POC1B: variants seen among roughly 807,000 people sequenced by gnomAD.
POC1B encodes POC1 centriolar protein B.
In POC1B, 44 loss-of-function variants were observed where a neutral mutation model predicts 60.6. The observed-to-expected ratio is 0.73, with a 90% CI of 0.57 to 0.93. POC1B has a LOEUF of 0.93. Ranked by LOEUF, POC1B falls within the 40% of genes least tolerant of loss-of-function variation. POC1B has a pLI of 0.00. For missense variants in POC1B, 555 were observed against 572.3 expected (o/e 0.97, Z 0.31); for synonymous variants, 180 against 198.9 (o/e 0.90, Z 0.80).
intron 2 of POC1B, chr12:89,499,954 G>A (rs1459181053): frequency 8.1e-6 from 5 of 619,078 alleles, no homozygotes; most frequent in East Asian, 5.6e-5. Context: ...CTCTTGCGGC[G>A]GCCATCGCCT....
intron 2 of POC1B, chr12:89,522,025 C>A (rs1211285868): frequency 2.5e-6 from 1 of 398,834 alleles, no homozygotes; most frequent in African/African-American, 2.1e-5. Context: ...ACATTCATAA[C>A]TTAAGGAAGT....
intron 1 of POC1B, 151 bp from the exon 2 acceptor site, chr12:89,525,355 C>T: frequency 7.0e-7 from 1 of 1,429,634 alleles, no homozygotes; most frequent in Non-Finnish European, 9.1e-7. Context: ...AGCAGCCCAC[C>T]CACGGGCGCG....
chr12:89,491,110 G>C (rs1424191656), intron 4 of POC1B, among the ~76,000 whole-genome samples: 1 of 152,064 alleles, frequency 6.6e-6, no homozygotes, highest in Non-Finnish European at 1.5e-5. Flanking sequence ...CCTCCCTGGG[G>C]CCCCTCCTAC....
At chr12:89,424,725 G>A (rs1466001641) in intron 11 of POC1B, among the ~76,000 whole-genome samples, 3 of 152,272 alleles carry the variant, frequency 2.0e-5, no homozygotes, top group Admixed American at 6.5e-5. Context: ...CCTCAAAAAA[G>A]TGGATAATAT....
intron 10 of POC1B, among the ~76,000 whole-genome samples, chr12:89,454,327 C>G (rs77829226): frequency 6.6e-6 from 1 of 152,184 alleles, no homozygotes; most frequent in Admixed American, 6.5e-5. Context: ...AGAATCCGAT[C>G]GCTTATCACC....
At chr12:89,520,432 A>T (rs1870753838) in intron 2 of POC1B, 1 of 152,080 alleles carries the variant, frequency 6.6e-6, no homozygotes, top group South Asian at 2.1e-4. Context: ...ATAAAAAAAT[A>T]TTTTTAAAAA....
intron 2 of POC1B, chr12:89,524,681 C>CATG (rs1423695812): frequency 8.3e-6 from 8 of 963,228 alleles, no homozygotes; most frequent in Non-Finnish European, 7.7e-6. Flanking sequence ...AGGCTCCTTT[C>CATG]CAGCCACCCA....
At chr12:89,519,798 A>G in intron 2 of POC1B, 1 of 75,592 alleles carries the variant, frequency 1.3e-5, no homozygotes, top group East Asian at 4.5e-4. Context: ...CCTCCTGGTG[A>G]CTAGATTTTT....
At chr12:89,402,517 C>G in the POC1B span, among the ~76,000 whole-genome samples, 1 of 152,232 alleles carries the variant, frequency 6.6e-6, no homozygotes, top group South Asian at 2.1e-4. Context: ...TCCTCTCCCT[C>G]CTCCCACCCT....
chr12:89,405,214 A>C, the POC1B span, among the ~76,000 whole-genome samples: 1 of 152,238 alleles, frequency 6.6e-6, no homozygotes, highest in Non-Finnish European at 1.5e-5. Flanking sequence ...GATGGAAGGA[A>C]ATTCTCTTGA....
At chr12:89,483,323 A>C (rs996510096) in intron 4 of POC1B, among the ~76,000 whole-genome samples, 1 of 152,068 alleles carries the variant, frequency 6.6e-6, no homozygotes, top group African/African-American at 2.4e-5. Flanking sequence ...CTTCCACCAC[A>C]ATTTGTAAGT....
intron 2 of POC1B, chr12:89,521,799 T>C (rs1400707518): frequency 1.8e-5 from 7 of 390,250 alleles, no homozygotes; most frequent in Admixed American, 8.9e-5. Context: ...GGCAGTCTTT[T>C]TTCCTTGCAT....
intron 4 of POC1B, among the ~76,000 whole-genome samples, chr12:89,475,009 G>C (rs963236604): frequency 2.0e-5 from 3 of 152,106 alleles, no homozygotes; most frequent in African/African-American, 7.2e-5. Flanking sequence ...CACTGCTGTG[G>C]GTAGTAGGAA....
chr12:89,466,312 A>G (rs762179072), intron 9 of POC1B, among the ~76,000 whole-genome samples: 3 of 152,214 alleles, frequency 2.0e-5, no homozygotes, highest in Non-Finnish European at 2.9e-5. Context: ...TATTCAGGCA[A>G]TAACATTGTC....
In POC1B at chr12:89,471,683, A is replaced by C. The variant is rs773102832; in HGVS notation, c.607T>G (p.Ser203Ala). Residue 203 changes from serine to alanine, a missense_variant, in exon 6 of 12, where the codon TCA (serine) becomes GCA (alanine). Physicochemically the swap from Ser to Ala is moderately conservative, Grantham distance 99 (BLOSUM62 1). Coordinates refer to ENST00000313546, the MANE Select transcript of POC1B (RefSeq NM_172240.3). ...TTCACAGTTTGATCAGAACCTGCTGAAGCTATGCATGTACCACTAGGGTTA... is the reference window on the plus strand; with the variant it reads ...TTCACAGTTTGATCAGAACCTGCTGCAGCTATGCATGTACCACTAGGGTTA... ...DFNPSGTCIA[S>A]AGSDQTVKVW... The C allele has an allele frequency of 6.2e-7, 1 of 1,611,704 alleles. No homozygotes were observed. Among genetic ancestry groups the C allele is most frequent in the Non-Finnish European group, 8.5e-7 (1 of 1,178,900 alleles).
chr12:89,525,426 G>A, intron 1 of POC1B: 3 of 1,379,974 alleles, frequency 2.2e-6, no homozygotes, highest in African/African-American at 3.1e-5. Context: ...CCCGCAAAAC[G>A]CTCTGTTCGC....
intron 9 of POC1B, 24 bp from the exon 10 acceptor site, chr12:89,459,742 T>G (rs369759656): frequency 1.5e-6 from 2 of 1,305,626 alleles, no homozygotes; most frequent in East Asian, 5.1e-5. Flanking sequence ...TAAAAAAAAA[T>G]TATGAGATTT....
At chr12:89,500,225 A>G in intron 2 of POC1B, 3 of 1,586,826 alleles carry the variant, frequency 1.9e-6, no homozygotes, top group Non-Finnish European at 2.6e-6. Flanking sequence ...TTTTGAAGAA[A>G]AAAGTCTTGC....
chr12:89,523,500 G>A, intron 2 of POC1B: 1 of 1,611,868 alleles, frequency 6.2e-7, no homozygotes, highest in Non-Finnish European at 8.5e-7. Context: ...TCTCCAATTT[G>A]CCACCACACT....
Sources: allele counts gnomAD v4.1 joint callset (sites outside exome capture counted in the v4.1 genomes callset), GRCh38; gene constraint gnomAD v4.1.1; transcripts MANE v1.5; gene names NCBI Gene and HGNC (gene_info 2026-07-23, HGNC 2026-07-21).